The following EML5 variants were observed in gnomAD, a reference collection of about 807,000 sequenced individuals.
EML5 encodes the protein EMAP like 5, also known as echinoderm microtubule-associated protein-like 5.
EML5 carries 120 observed loss-of-function variants against 250.0 expected under a neutral mutation model. The observed-to-expected ratio is 0.48, with a 90% CI of 0.41 to 0.56. The LOEUF is 0.56. EML5 is among the 20% of genes least tolerant of loss of function. EML5 has a pLI of 0.00. For missense variants in EML5, 2,006 were observed against 2,437.6 expected (o/e 0.82, Z 3.73); for synonymous variants, 771 against 806.5 (o/e 0.96, Z 0.75).
At chr14:88,705,272 T>C (rs746367308) in intron 12 of EML5, among the ~76,000 whole-genome samples, 7 of 151,914 alleles carry the variant, frequency 4.6e-5, no homozygotes, top group Non-Finnish European at 8.8e-5. Flanking sequence ...TATAGGCAAA[T>C]AGAAGGCAAG....
intron 21 of EML5, among the ~76,000 whole-genome samples, chr14:88,668,256 A>G (rs1271309646): frequency 6.6e-6 from 1 of 152,170 alleles, no homozygotes; most frequent in East Asian, 1.9e-4. Flanking sequence ...GACTGAATCT[A>G]AAGTGTGAGT....
Position 88,704,870 on chromosome 14 carries a change from A to G in EML5, c.2041T>C (p.Phe681Leu). The change falls in exon 13 of 44, where the codon TTT (phenylalanine) becomes CTT (leucine). Residue 681 changes from phenylalanine (F) to leucine (L), a missense_variant. Phe to Leu is a conservative substitution (Grantham distance 22). Coordinates refer to ENST00000554922, the MANE Select transcript of EML5 (RefSeq NM_183387.3). ...ATAGTTGTTTTATACCCGTGAACAA[A>G]GTGTAATCGAATACTATTTCCTGGA... ...RAPGNSIRLHFVHGYRGYDCR... is the reference protein window; with the variant it reads ...RAPGNSIRLHLVHGYRGYDCR... 6.2e-7 allele frequency: 1 copy of G among 1,611,968 alleles called. No individual in the cohort carries two copies. The highest frequency in any genetic ancestry group is 8.5e-7 in the Non-Finnish European group (1 of 1,178,804).
Position 88,780,636 on chromosome 14 carries a change from C to T in EML5, c.197+11671G>A, listed in dbSNP as rs150815805. 2.0e-3 allele frequency among the ~76,000 whole-genome samples: 301 copies of T among 152,026 alleles called. 1 individual carries two copies. Among genetic ancestry groups the T allele is most frequent in the African/African-American group, 6.6e-3 (275 of 41,446 alleles). On this transcript the variant is annotated intron_variant, in intron 1 of 43. Transcript: ENST00000554922. ...TGTCATCCAGGCTGGAGTGCAGAGG[C>T]GCGATCTTGGCTCACTGCAACCTCC...
intron 4 of EML5, among the ~76,000 whole-genome samples, chr14:88,743,753 T>C (rs1227319322): frequency 6.6e-6 from 1 of 152,074 alleles, no homozygotes; most frequent in African/African-American, 2.4e-5. Flanking sequence ...AGAAACAGGA[T>C]GGACACAGTA....
chr14:88,672,865 A>G (rs148751892), intron 21 of EML5, among the ~76,000 whole-genome samples: 31,183 of 152,124 alleles, frequency 0.2, 3,738 homozygotes, highest in East Asian at 0.38. Context: ...GAATAGACCA[A>G]TAACAGTTCT....
At chr14:88,787,760 T>C (rs2094565819) in intron 1 of EML5, among the ~76,000 whole-genome samples, 1 of 152,196 alleles carries the variant, frequency 6.6e-6, no homozygotes, top group Non-Finnish European at 1.5e-5. Context: ...TAATTCTAGT[T>C]ACTTAAGCAC....
chr14:88,686,706 G>A (rs145653472), intron 19 of EML5, among the ~76,000 whole-genome samples: 1,623 of 152,242 alleles, frequency 0.011, 11 homozygotes, highest in Non-Finnish European at 0.015. Context: ...AACTACTCAG[G>A]AGGCTGAGGC....
chr14:88,707,803 T>C (rs1263762428), intron 10 of EML5, among the ~76,000 whole-genome samples: 1 of 152,152 alleles, frequency 6.6e-6, no homozygotes, highest in Non-Finnish European at 1.5e-5. Context: ...CCCAGCAAAG[T>C]CCTATGAGGT....
At chr14:88,691,102 T>C (rs1188299744) in intron 17 of EML5, among the ~76,000 whole-genome samples, 2 of 152,332 alleles carry the variant, frequency 1.3e-5, no homozygotes, top group Admixed American at 6.5e-5. Flanking sequence ...GCTGGGTATC[T>C]GGCAGTGGAA....
chr14:88,683,900 G>C (rs1567116844), intron 20 of EML5, among the ~76,000 whole-genome samples: 3 of 152,150 alleles, frequency 2.0e-5, no homozygotes, highest in Non-Finnish European at 4.4e-5. Flanking sequence ...TCAGGAACAA[G>C]ACAAGGATGT....
rs115838979 is a variant in EML5, at chr14:88,711,090, A to C, written c.1657+1181T>G. ...TGACTACTACTGAATCTCACACTTC[A>C]TAACCAGGCAAGTATCATCTTAAAA... On this transcript the variant is annotated intron_variant, in intron 10 of 43. Coordinates refer to ENST00000554922, the MANE Select transcript of EML5 (RefSeq NM_183387.3). Among the ~76,000 whole-genome samples, 1,279 of 152,268 alleles carry C rather than the reference A, an allele frequency of 8.4e-3. 23 individuals are homozygous for C. Among genetic ancestry groups the C allele is most frequent in the African/African-American group, 0.029 (1,199 of 41,544 alleles).
At chr14:88,668,219 G>T (rs2141014389) in intron 21 of EML5, among the ~76,000 whole-genome samples, 1 of 152,274 alleles carries the variant, frequency 6.6e-6, no homozygotes, top group East Asian at 1.9e-4. Flanking sequence ...AAGCCTTGTA[G>T]TCTCATCTTC....
chr14:88,762,307 T>TC (rs2094256250), intron 1 of EML5, among the ~76,000 whole-genome samples: 1 of 152,062 alleles, frequency 6.6e-6, no homozygotes, highest in South Asian at 2.1e-4. Flanking sequence ...GGTCGGGAGT[T>TC]CGAGACTAGC....
intron 33 of EML5, among the ~76,000 whole-genome samples, chr14:88,634,156 G>T (rs1567039276): frequency 1.3e-5 from 2 of 152,138 alleles, no homozygotes; most frequent in Non-Finnish European, 2.9e-5. Context: ...GTGATTGTGA[G>T]TTCTCATGAG....
chr14:88,686,853 G>A (rs1397993382), intron 19 of EML5, among the ~76,000 whole-genome samples: 1 of 152,176 alleles, frequency 6.6e-6, no homozygotes, highest in African/African-American at 2.4e-5. Context: ...AAAAAGGCCT[G>A]TGAGGCTACA....
At chr14:88,623,914 T>C (rs2089501093) in intron 36 of EML5, 1 of 152,176 alleles carries the variant, frequency 6.6e-6, no homozygotes, top group Non-Finnish European at 1.5e-5. Flanking sequence ...TATTCCTTCC[T>C]TTTCTGCTAG....
chr14:88,629,548 A>G (rs1397107020), intron 33 of EML5, among the ~76,000 whole-genome samples: 1 of 152,204 alleles, frequency 6.6e-6, no homozygotes, highest in Non-Finnish European at 1.5e-5. Context: ...TAAGTATATT[A>G]TATTTTCTCC....
rs187948138 is a variant in EML5 at position 88,711,085 on chromosome 14, A to T, written c.1657+1186T>A. On this transcript the variant is annotated intron_variant, in intron 10 of 43. Transcript: ENST00000554922. The stretch of plus-strand genomic sequence containing the variant: ...CATCATGACTACTACTGAATCTCAC[A>T]CTTCATAACCAGGCAAGTATCATCT... Among the ~76,000 whole-genome samples, 88 of 152,252 alleles carry T rather than the reference A, an allele frequency of 5.8e-4. 1 individual carries two copies. The East Asian group carries it at 0.015, about 26-fold the overall frequency.
At position 88,618,660 on chromosome 14, in the gene EML5, C is replaced by T. The variant is rs980790950; in HGVS notation, c.5528G>A (p.Ser1843Asn). The stretch of plus-strand genomic sequence containing the variant: ...GTATTGGTACTGTACCTGGAGATAA[C>T]TGCTATCTGCAGAGAAGTCCATTTG... ...VIQMDFSADS[S>N]YLQVSSGCYK... The change falls in exon 40 of 44, where the codon AGT becomes AAT. Residue 1843 changes from serine (S) to asparagine (N), a missense_variant. This residue lies in a region of EML5 where 405 missense variants were observed against 523.3 expected (regional missense o/e 0.77). Transcript: ENST00000554922. 1.2e-6 allele frequency: 2 copies of T among 1,612,616 alleles called. No homozygotes were observed. The highest frequency in any genetic ancestry group is 1.7e-6 in the Non-Finnish European group (2 of 1,179,430).
Sources: gnomAD v4.1 joint callset for allele counts (sites outside exome capture counted in the v4.1 genomes callset) on GRCh38, gnomAD v4.1.1 for gene constraint, gnomAD v4.1.1 regional missense constraint, MANE v1.5 for transcripts, NCBI Gene and HGNC (gene_info 2026-07-23, HGNC 2026-07-21) for gene names.